Variants in FBXO15 observed in about 807,000 individuals in gnomAD.
FBXO15 encodes F-box protein 15.
Under a neutral mutation model 49.5 loss-of-function variants are expected in FBXO15, and 30 were observed. The ratio of observed to expected loss-of-function variants is 0.61; its 90% CI spans 0.45 to 0.82. The LOEUF is 0.82. FBXO15 is among the 40% of genes least tolerant of loss of function. FBXO15 has a pLI of 0.00. For synonymous variants in FBXO15, 250 were observed against 232.7 expected, an observed-to-expected ratio of 1.07 and a Z score of -0.68; for missense variants, 591 against 631.5, an observed-to-expected ratio of 0.94 and a Z score of 0.69.
intron 8 of FBXO15, among the ~76,000 whole-genome samples, chr18:74,093,963 G>C (rs7234105): frequency 0.14 from 21,209 of 152,202 alleles, 1,864 homozygotes; most frequent in East Asian, 0.29. Flanking sequence ...ACAAAAGAGA[G>C]ACTACAGACT....
At chr18:74,120,110 G>A (rs1914410990) in intron 8 of FBXO15, among the ~76,000 whole-genome samples, 4 of 152,186 alleles carry the variant, frequency 2.6e-5, no homozygotes, top group Admixed American at 2.6e-4. Flanking sequence ...CACACTGGGG[G>A]CACCCTCAAC....
intron 8 of FBXO15, among the ~76,000 whole-genome samples, chr18:74,105,112 G>A (rs1334604643): frequency 6.6e-6 from 1 of 152,140 alleles, no homozygotes; most frequent in Non-Finnish European, 1.5e-5. Flanking sequence ...AGCTTAAAAT[G>A]TGTATCTCAT....
chr18:74,099,134 A>C (rs1347350457), intron 8 of FBXO15: 1 of 152,190 alleles, frequency 6.6e-6, no homozygotes. Context: ...AAAGAAAAAA[A>C]ACAAAAGTTA....
At position 74,073,654 on chromosome 18, in the gene FBXO15, A is replaced by G. The variant is rs1231542183; in HGVS notation, c.1340T>C (p.Leu447Pro). 1.2e-6 allele frequency: 2 copies of G among 1,613,990 alleles called. No homozygotes were observed. Among genetic ancestry groups the G allele is most frequent in the East Asian group, 2.2e-5 (1 of 44,876 alleles). ...GTCAGAGGGTGTGGCAGGCGATCTC[A>G]GGCACACCGGGGAACTGAAACACCA... is the stretch of plus-strand genomic sequence containing the variant. ...PFWCFSSPVC[L>P]RSPATPSDSS... The change falls in exon 10 of 10, where the codon CTG becomes CCG. Residue 447 changes from leucine (L) to proline (P), a missense_variant. Transcript: ENST00000419743.
At chr18:74,143,459 G>A (rs1049334644) in intron 1 of FBXO15, among the ~76,000 whole-genome samples, 5 of 152,140 alleles carry the variant, frequency 3.3e-5, no homozygotes, top group Non-Finnish European at 5.9e-5. Flanking sequence ...TGGTACAAAC[G>A]TTATGGAAAG....
At chr18:74,099,099 T>C (rs1490975212) in intron 8 of FBXO15, 1 of 152,094 alleles carries the variant, frequency 6.6e-6, no homozygotes, top group East Asian at 1.9e-4. Context: ...CACTCCAGTA[T>C]GGGCAAAGAG....
chr18:74,091,496 T>C lies in FBXO15; in HGVS notation c.1139-9445A>G, dbSNP rs551395905. Among the ~76,000 whole-genome samples the C allele has an allele frequency of 3.9e-5, 6 of 152,376 alleles. No homozygotes were observed. The South Asian group carries it at 1.2e-3, about 32-fold the overall frequency. The stretch of plus-strand genomic sequence containing the variant: ...TGGTTGCTTTATAGTGTCACTGGTC[T>C]ATGTACTTAATGTGTTTTTGTAGTG... On this transcript the variant is annotated intron_variant, in intron 8 of 9. Transcript: ENST00000419743.
At chr18:74,125,529 G>T (rs1365226994) in intron 6 of FBXO15, among the ~76,000 whole-genome samples, 1 of 152,208 alleles carries the variant, frequency 6.6e-6, no homozygotes. Flanking sequence ...CTGAAGAGCA[G>T]ATTTCACTCA....
At position 74,147,657 on chromosome 18, in the gene FBXO15, G is replaced by T; in HGVS notation, c.116+13C>A. 7.0e-7 allele frequency: 1 copy of T among 1,429,616 alleles called. No homozygotes were observed. The highest frequency in any genetic ancestry group is 1.4e-5 in the South Asian group (1 of 69,824). 88.6% of individuals were successfully genotyped at this position (1,429,616 alleles called of 1,614,324 possible). A position where few individuals can be genotyped will look rare whatever the true frequency, so the allele number is the denominator to read the frequency against. ...TCCCGCCAGGGGACCCCACCCGCAGGCCCTACAGTCACCTGCACCCAAAGG... is the reference window on the plus strand; with the variant it reads ...TCCCGCCAGGGGACCCCACCCGCAGTCCCTACAGTCACCTGCACCCAAAGG... On this transcript the variant is annotated intron_variant, in intron 1 of 9. Coordinates refer to ENST00000419743, the MANE Select transcript of FBXO15 (RefSeq NM_001142958.2).
Position 74,137,177 on chromosome 18 carries a change from A to G in FBXO15, c.228-1311T>C, listed in dbSNP as rs972964646. Among the ~76,000 whole-genome samples, 4 of 151,718 alleles carry G rather than the reference A, an allele frequency of 2.6e-5. No homozygotes were observed. In the Admixed American group the frequency reaches 2.7e-4, roughly 10 times the overall value. ...TTTAAACGAAAAGCTTTGCTTAAGC[A>G]TTAATTAAATCAGTCCCCAAAATAA... On this transcript the variant is annotated intron_variant, in intron 2 of 9. Coordinates refer to ENST00000419743, the MANE Select transcript of FBXO15 (RefSeq NM_001142958.2).
In FBXO15 at chr18:74,123,388, C is replaced by T. The variant is rs549233857; in HGVS notation, c.1118G>A (p.Arg373His). ...TTCACCTCTCTTGGTGAAGAGATTG[C>T]GAAATGTACCACATAGGTAGAAAAC... ...GGVFYLCGTF[R>H]NLFTKRGNIE... is the part of the protein sequence containing the mutation. Residue 373 changes from arginine (R) to histidine (H), a missense_variant, in exon 8 of 10, where the codon CGC becomes CAC. By Grantham distance (29) the Arg-to-His change is conservative. Transcript: ENST00000419743. 27 of 1,610,622 alleles carry T rather than the reference C, an allele frequency of 1.7e-5. No homozygotes were observed. Among genetic ancestry groups the T allele is most frequent in the African/African-American group, 2.7e-5 (2 of 74,772 alleles).
At chr18:74,124,066 G>C (rs753543945) in intron 7 of FBXO15, among the ~76,000 whole-genome samples, 1 of 151,994 alleles carries the variant, frequency 6.6e-6, no homozygotes, top group Non-Finnish European at 1.5e-5. Context: ...TGGGAAGCCT[G>C]TGCGCCACCT....
chr18:74,112,822 T>C (rs925691466), intron 8 of FBXO15, among the ~76,000 whole-genome samples: 4 of 152,252 alleles, frequency 2.6e-5, no homozygotes, highest in Non-Finnish European at 5.9e-5. Flanking sequence ...CTGGTAAGAC[T>C]GTGGAGCAAC....
At chr18:74,079,521 G>A (rs1237035605) in intron 9 of FBXO15, among the ~76,000 whole-genome samples, 1 of 152,034 alleles carries the variant, frequency 6.6e-6, no homozygotes, top group Non-Finnish European at 1.5e-5. Flanking sequence ...GGTGAAGGTG[G>A]TAAATTTTAT....
chr18:74,144,601 G>A (rs911265887), intron 1 of FBXO15, among the ~76,000 whole-genome samples: 2 of 152,074 alleles, frequency 1.3e-5, no homozygotes, highest in African/African-American at 2.4e-5. Context: ...AATTTCTTAG[G>A]AGTCTCCCAA....
At chr18:74,103,500 T>C (rs1318131236) in intron 8 of FBXO15, among the ~76,000 whole-genome samples, 5 of 151,932 alleles carry the variant, frequency 3.3e-5, no homozygotes, top group African/African-American at 1.2e-4. Flanking sequence ...TTGAGAAAGA[T>C]ATATCCAGGT....
At chr18:74,080,704 C>A (rs186711736) in intron 9 of FBXO15, among the ~76,000 whole-genome samples, 93 of 152,320 alleles carry the variant, frequency 6.1e-4, no homozygotes, top group African/African-American at 2.1e-3. Context: ...TTAGTCTGCC[C>A]TACATAAAGT....
intron 8 of FBXO15, chr18:74,098,727 G>A (rs1489156507): frequency 6.6e-6 from 1 of 152,212 alleles, no homozygotes; most frequent in Admixed American, 6.5e-5. Context: ...CACTGGCCTT[G>A]CTAGAGACCT....
chr18:74,135,686 G>T, intron 3 of FBXO15, 76 bp downstream of exon 3: 3 of 1,133,432 alleles, frequency 2.6e-6, no homozygotes, highest in Non-Finnish European at 3.9e-6. Flanking sequence ...CTTAAAAATG[G>T]TTAAAAAGTT....
Sources: allele counts gnomAD v4.1 joint callset (sites outside exome capture counted in the v4.1 genomes callset), GRCh38; gene constraint gnomAD v4.1.1; transcripts MANE v1.5; gene names NCBI Gene and HGNC (gene_info 2026-07-23, HGNC 2026-07-21).